Variants in MTERF4 observed in about 807,000 individuals in gnomAD.
The protein encoded by MTERF4 is mitochondrial transcription termination factor 4, also known as transcription termination factor 4, mitochondrial.
A neutral mutation model predicts 22.5 loss-of-function variants in MTERF4; 17 were observed. That is an observed-to-expected ratio of 0.75 (90% CI 0.52 to 1.13). The LOEUF is 1.13. MTERF4 is among the 50% of genes most tolerant of loss of function. The pLI is 0.00. For missense variants in MTERF4, 420 were observed against 466.8 expected (o/e 0.90, Z 0.92); for synonymous variants, 165 against 175.3 (o/e 0.94, Z 0.47).
At chr2:241,090,487 C>T, downstream of MTERF4, 2 of 1,501,164 alleles carry the variant, frequency 1.3e-6, no homozygotes, top group South Asian at 1.3e-5. Flanking sequence ...ATACGTAAAC[C>T]AGTAACATCA....
At chr2:241,084,183 C>G (rs2063470122), downstream of MTERF4, among the ~76,000 whole-genome samples, 1 of 148,310 alleles carries the variant, frequency 6.7e-6, no homozygotes, top group African/African-American at 2.5e-5. Flanking sequence ...GTCCCCCAGG[C>G]TGGAGTGCGA....
Position 241,095,996 on chromosome 2 carries a change from A to T in MTERF4, c.*2T>A. 2 of 1,613,776 alleles carry T rather than the reference A, an allele frequency of 1.2e-6. No individual in the cohort carries two copies. The highest frequency in any genetic ancestry group is 1.7e-6 in the Non-Finnish European group (2 of 1,179,720). Reference sequence around the variant, plus strand: ...CCTTTCGCTCTAGTCCTTCCATCACAGCTATTCCTCCTCGTCGTCGTCCTC... The same window carrying T: ...CCTTTCGCTCTAGTCCTTCCATCACTGCTATTCCTCCTCGTCGTCGTCCTC... On this transcript the variant is annotated 3_prime_UTR_variant, in exon 4 of 4. Transcript: ENST00000391980.
chr2:241,070,236 A>G (rs761424411), downstream of MTERF4: 88 of 1,562,462 alleles, frequency 5.6e-5, no homozygotes, highest in South Asian at 7.0e-5. Flanking sequence ...GGGCGGGGCC[A>G]GTGTTTGCCA....
downstream of MTERF4, chr2:241,088,543 C>T: frequency 1.4e-6 from 1 of 708,220 alleles, no homozygotes; most frequent in Non-Finnish European, 2.5e-6. Context: ...TGCTGTGTTA[C>T]AGACTCCCGG....
chr2:241,057,133 C>T, the MTERF4 span, among the ~76,000 whole-genome samples: 2 of 151,874 alleles, frequency 1.3e-5, no homozygotes, highest in African/African-American at 4.8e-5. Context: ...AATTCCAGCA[C>T]TTTGGGAGGC....
At position 241,099,499 on chromosome 2, in the gene MTERF4, C is replaced by T. The variant is rs758124941; in HGVS notation, c.417G>A (p.Glu139=). 1.2e-6 allele frequency: 2 copies of T among 1,614,232 alleles called. No homozygotes were observed. Among genetic ancestry groups the T allele is most frequent in the Non-Finnish European group, 1.7e-6 (2 of 1,180,052 alleles). Residue 139 remains glutamate (E), a synonymous_variant, in exon 2 of 4, where the codon GAG becomes GAA. Coordinates refer to ENST00000391980, the MANE Select transcript of MTERF4 (RefSeq NM_182501.4). ...TTTTCTTCAAGACCACACACACAGG[C>T]TCTGGATTCAGACCCAAGAGAATAA... ...SEFILLGLNP[E]PVCVVLKKSP...
downstream of MTERF4, among the ~76,000 whole-genome samples, chr2:241,084,176 C>T (rs937106766): frequency 6.9e-6 from 1 of 144,020 alleles, no homozygotes; most frequent in African/African-American, 2.7e-5. Flanking sequence ...CCCTCTTGTC[C>T]CCCAGGCTGG....
intron 4 of MTERF4, among the ~76,000 whole-genome samples, chr2:241,082,067 CAGG>C (rs1419611662): frequency 7.2e-5 from 11 of 152,312 alleles, no homozygotes; most frequent in African/African-American, 1.2e-4. Context: ...AGAGCGGTGT[CAGG>C]AGAAGGGACT....
At chr2:241,058,574 A>T in the MTERF4 span, among the ~76,000 whole-genome samples, 1 of 152,234 alleles carries the variant, frequency 6.6e-6, no homozygotes, top group Non-Finnish European at 1.5e-5. Flanking sequence ...ATGTATCAGC[A>T]ACCAACAATT....
At chr2:241,090,641 C>T (rs148874445), downstream of MTERF4, among the ~76,000 whole-genome samples, 1,056 of 152,196 alleles carry the variant, frequency 6.9e-3, 11 homozygotes, top group African/African-American at 0.024. Flanking sequence ...CCGAGGCCGG[C>T]GGATCACTTG....
downstream of MTERF4, chr2:241,089,433 A>G: frequency 6.5e-7 from 1 of 1,548,966 alleles, no homozygotes. Flanking sequence ...ACAGCTTTTC[A>G]GATATAGGCT....
At chr2:241,042,627 C>T in the MTERF4 span, among the ~76,000 whole-genome samples, 2 of 151,816 alleles carry the variant, frequency 1.3e-5, no homozygotes, top group African/African-American at 2.4e-5. Flanking sequence ...TGAATATGCT[C>T]CTATAATCAA....
chr2:241,096,535 A>T lies in MTERF4; in HGVS notation c.706-97T>A. On this transcript the variant is annotated intron_variant, in intron 3 of 3. Coordinates refer to ENST00000391980, the MANE Select transcript of MTERF4 (RefSeq NM_182501.4). The surrounding 1 kb of genome is among the most constrained non-coding windows in gnomAD (Gnocchi z 5.1). ...AACTTAAGTTGTACAAAAGGATTCA[A>T]AAAGAATTGCCTAATTGACAACAGC... is the stretch of plus-strand genomic sequence containing the variant. The T allele has an allele frequency of 7.4e-7, 1 of 1,357,568 alleles. No homozygotes were observed. Among genetic ancestry groups the T allele is most frequent in the Non-Finnish European group, 1.1e-6 (1 of 950,244 alleles). 84.1% of individuals were successfully genotyped at this position (1,357,568 alleles called of 1,614,324 possible). A position where few individuals can be genotyped will look rare whatever the true frequency, so the allele number is the denominator to read the frequency against.
the MTERF4 span, among the ~76,000 whole-genome samples, chr2:241,059,521 A>G: frequency 9.2e-4 from 140 of 152,346 alleles, 2 homozygotes; most frequent in Middle Eastern, 0.014. Context: ...AAGAACATAG[A>G]CACAACAATC....
At chr2:241,048,736 CT>C in the MTERF4 span, 1 of 1,612,526 alleles carries the variant, frequency 6.2e-7, no homozygotes, top group Non-Finnish European at 8.5e-7. Context: ...CCAGTGCCCC[CT>C]GGGATTCTTT....
chr2:241,090,554 C>T, downstream of MTERF4: 1 of 1,307,666 alleles, frequency 7.6e-7, no homozygotes, highest in Non-Finnish European at 1.0e-6. Flanking sequence ...GACTTCTATA[C>T]ACAGGGCAGT....
chr2:241,078,131 T>C (rs1231448711), intron 4 of MTERF4, among the ~76,000 whole-genome samples: 1 of 152,092 alleles, frequency 6.6e-6, no homozygotes, highest in Non-Finnish European at 1.5e-5. Context: ...ACGCCTGTAA[T>C]CCCAGCACTT....
the MTERF4 span, among the ~76,000 whole-genome samples, chr2:241,061,868 GA>G: frequency 1.2e-4 from 18 of 147,596 alleles, no homozygotes; most frequent in South Asian, 6.5e-4. Flanking sequence ...AAAAAAAAAA[GA>G]AAAAAAGAAA....
the MTERF4 span, among the ~76,000 whole-genome samples, chr2:241,058,166 G>A: frequency 7.2e-4 from 110 of 152,202 alleles, no homozygotes; most frequent in African/African-American, 2.6e-3. Flanking sequence ...AAAAAGAAGA[G>A]TATAAGACGA....
Sources: allele counts gnomAD v4.1 joint callset (sites outside exome capture counted in the v4.1 genomes callset), GRCh38; gene constraint gnomAD v4.1.1; non-coding constraint Gnocchi (gnomAD v3.1); transcripts MANE v1.5; gene names NCBI Gene and HGNC (gene_info 2026-07-23, HGNC 2026-07-21).